The following KCNJ6 variants were observed in gnomAD, a reference collection of about 807,000 sequenced individuals.
KCNJ6 encodes G protein-activated inward rectifier potassium channel 2.
In KCNJ6, 9 loss-of-function variants were observed where a neutral mutation model predicts 34.2. That is an observed-to-expected ratio of 0.26 (90% CI 0.16 to 0.46). KCNJ6 has a LOEUF of 0.46. Among genes scored for constraint, KCNJ6 ranks in the 20% least tolerant of loss-of-function variants. The pLI is 1.00. For synonymous variants in KCNJ6, 196 were observed against 207.1 expected, an observed-to-expected ratio of 0.95 and a Z score of 0.46; for missense variants, 236 against 531.3, an observed-to-expected ratio of 0.44 and a Z score of 5.46.
chr21:37,859,130 T>C (rs1191789497), intron 1 of KCNJ6, among the ~76,000 whole-genome samples: 1 of 151,868 alleles, frequency 6.6e-6, no homozygotes, highest in East Asian at 1.9e-4. Context: ...ATTTTTAAGA[T>C]CTAGAGGCTT....
chr21:37,842,453 C>G (rs1252345055), intron 1 of KCNJ6, among the ~76,000 whole-genome samples: 3 of 152,228 alleles, frequency 2.0e-5, no homozygotes, highest in African/African-American at 7.2e-5. Context: ...TGGCAACAAA[C>G]AACTTCGCAC....
intron 3 of KCNJ6, among the ~76,000 whole-genome samples, chr21:37,661,614 G>GTTCTT (rs766622814): frequency 0.023 from 1,630 of 71,188 alleles, 369 homozygotes; most frequent in African/African-American, 0.065. Context: ...AAGAGACATA[G>GTTCTT]TTTTTTTTTT....
chr21:37,653,843 C>T (rs1171146688), intron 3 of KCNJ6, among the ~76,000 whole-genome samples: 1 of 152,174 alleles, frequency 6.6e-6, no homozygotes, highest in East Asian at 1.9e-4. Context: ...AAACCACTTT[C>T]CACAGAAAGT....
At chr21:37,727,367 C>T (rs1842901168) in intron 2 of KCNJ6, among the ~76,000 whole-genome samples, 1 of 152,018 alleles carries the variant, frequency 6.6e-6, no homozygotes, top group Non-Finnish European at 1.5e-5. Flanking sequence ...TAAGGAGTGA[C>T]TCACCTGTGA....
intron 1 of KCNJ6, among the ~76,000 whole-genome samples, chr21:37,851,017 C>T (rs1402581312): frequency 1.3e-5 from 2 of 152,160 alleles, no homozygotes; most frequent in African/African-American, 2.4e-5. Flanking sequence ...TGTGAAAACA[C>T]ACAGCCTTTG....
intron 2 of KCNJ6, among the ~76,000 whole-genome samples, chr21:37,840,318 GA>G (rs943555428): frequency 5.0e-4 from 76 of 152,276 alleles, no homozygotes; most frequent in African/African-American, 1.8e-3. Flanking sequence ...TAGATGCCCA[GA>G]AAAAACTTCA....
At chr21:37,747,258 GGGGATTTGTGTCTTGCCAGAA>G (rs1328285566) in intron 2 of KCNJ6, among the ~76,000 whole-genome samples, 4 of 108,186 alleles carry the variant, frequency 3.7e-5, no homozygotes, top group African/African-American at 1.1e-4. Flanking sequence ...AGGGCCAGAA[GGGGATTTGTGTCTTGCCAGAA>G]GGGATTTATG....
chr21:37,625,164 C>T lies in KCNJ6; in HGVS notation c.1267G>A (p.Val423Ile). 6.2e-7 allele frequency: 1 copy of T among 1,612,776 alleles called. No homozygotes were observed. The highest frequency in any genetic ancestry group is 8.5e-7 in the Non-Finnish European group (1 of 1,179,094). Residue 423 changes from valine (V) to isoleucine (I), a missense_variant, in exon 4 of 4, where the codon GTT becomes ATT. This residue lies in a region of KCNJ6 where 43 missense variants were observed against 52.1 expected (regional missense o/e 0.82). Coordinates refer to ENST00000609713, the MANE Select transcript of KCNJ6 (RefSeq NM_002240.5). ...GGGTTTGCCCAGCTAGGGCACTAAA[C>T]TTTGGATTCATTCTCCAGGTTTGCC... ...DVANLENESK[V>I]
chr21:37,804,763 T>C (rs963489932), intron 2 of KCNJ6, among the ~76,000 whole-genome samples: 13 of 152,256 alleles, frequency 8.5e-5, no homozygotes, highest in African/African-American at 2.4e-4. Context: ...CATTATTTTT[T>C]ATGGCTTTAT....
intron 3 of KCNJ6, among the ~76,000 whole-genome samples, chr21:37,634,202 G>T (rs1295474694): frequency 2.6e-5 from 4 of 152,210 alleles, no homozygotes; most frequent in African/African-American, 9.7e-5. Context: ...TTTGGGTCAT[G>T]GGGTGCTTGG....
At chr21:37,792,464 A>C (rs2055221471) in intron 2 of KCNJ6, among the ~76,000 whole-genome samples, 1 of 152,226 alleles carries the variant, frequency 6.6e-6, no homozygotes, top group Non-Finnish European at 1.5e-5. Flanking sequence ...AGGATGTTTA[A>C]AATTTTCCAG....
At chr21:37,848,511 C>T (rs1361282826) in intron 1 of KCNJ6, among the ~76,000 whole-genome samples, 1 of 152,146 alleles carries the variant, frequency 6.6e-6, no homozygotes. Flanking sequence ...CACCAGATAG[C>T]CTTTCTAAGG....
In KCNJ6 at chr21:37,807,469, G is replaced by A. The variant is rs550387609; in HGVS notation, c.25+33189C>T. ...ATATTTAAGAACACAGTCATGTGTC[G>A]CATAACAACGTTTCTGTCATTGACG... On this transcript the variant is annotated intron_variant, in intron 2 of 3. Coordinates refer to ENST00000609713, the MANE Select transcript of KCNJ6 (RefSeq NM_002240.5). Among the ~76,000 whole-genome samples the A allele has an allele frequency of 7.2e-5, 11 of 152,314 alleles. No individual in the cohort carries two copies. In the East Asian group the frequency reaches 7.7e-4, roughly 11 times the overall value.
intron 3 of KCNJ6, among the ~76,000 whole-genome samples, chr21:37,646,459 C>G (rs915204912): frequency 6.6e-6 from 1 of 152,128 alleles, no homozygotes; most frequent in Non-Finnish European, 1.5e-5. Context: ...TTGGCTCAGG[C>G]TTTTAAAGAC....
intron 3 of KCNJ6, among the ~76,000 whole-genome samples, chr21:37,682,582 G>A (rs2054595587): frequency 2.0e-5 from 3 of 152,070 alleles, no homozygotes; most frequent in Admixed American, 2.0e-4. Flanking sequence ...AATTGTCATT[G>A]GATTTAGGGG....
Position 37,717,513 on chromosome 21 carries a change from C to T in KCNJ6, c.26-2382G>A, listed in dbSNP as rs80298356. Among the ~76,000 whole-genome samples, 3,229 of 152,336 alleles carry T rather than the reference C, an allele frequency of 0.021. 285 individuals are homozygous for T. In the East Asian group the frequency reaches 0.3, roughly 14 times the overall value. ...GGAGGGAGGCAGAGGCCATGGCTTT[C>T]TCACTGCCGCTACCCCCTACATGGC... On this transcript the variant is annotated intron_variant, in intron 2 of 3. Transcript: ENST00000609713.
intron 2 of KCNJ6, among the ~76,000 whole-genome samples, chr21:37,792,211 C>T (rs2055220207): frequency 6.6e-6 from 1 of 152,214 alleles, no homozygotes; most frequent in African/African-American, 2.4e-5. Flanking sequence ...CTGCAACCCT[C>T]CTATCTGCTG....
intron 1 of KCNJ6, among the ~76,000 whole-genome samples, chr21:37,842,460 G>T (rs117851043): frequency 6.6e-6 from 1 of 152,148 alleles, no homozygotes; most frequent in East Asian, 1.9e-4. Flanking sequence ...AAACAACTTC[G>T]CACATGGCAA....
chr21:37,832,720 G>A (rs1459653347), intron 2 of KCNJ6, among the ~76,000 whole-genome samples: 1 of 152,142 alleles, frequency 6.6e-6, no homozygotes, highest in African/African-American at 2.4e-5. Flanking sequence ...GGGGGGCGGG[G>A]AAGCTCTGTC....
Sources: gnomAD v4.1 joint callset for allele counts (sites outside exome capture counted in the v4.1 genomes callset) on GRCh38, gnomAD v4.1.1 for gene constraint, gnomAD v4.1.1 regional missense constraint, MANE v1.5 for transcripts, NCBI Gene and HGNC (gene_info 2026-07-23, HGNC 2026-07-21) for gene names.